NELL2: variants seen among roughly 807,000 people sequenced by gnomAD.
NELL2 encodes the protein protein kinase C-binding protein NELL2.
In NELL2, 41 loss-of-function variants were observed where a neutral mutation model predicts 109.6. The observed-to-expected ratio is 0.37, with a 90% CI of 0.29 to 0.49. The LOEUF (loss-of-function observed/expected upper bound fraction) is 0.49, where lower values mean the gene tolerates loss of function less well. Among genes scored for constraint, NELL2 ranks in the 20% least tolerant of loss-of-function variants. The pLI is 0.98. For synonymous variants in NELL2, 355 were observed against 344.7 expected, an observed-to-expected ratio of 1.03 and a Z score of -0.33; for missense variants, 900 against 1,008.3, an observed-to-expected ratio of 0.89 and a Z score of 1.45.
intron 2 of NELL2, among the ~76,000 whole-genome samples, chr12:44,825,791 A>G (rs1223058647): frequency 6.7e-6 from 1 of 148,520 alleles, no homozygotes; most frequent in Non-Finnish European, 1.5e-5. Context: ...CATGCCTGTA[A>G]TCCCAGCACT....
chr12:44,801,841 T>C (rs1270352758), intron 3 of NELL2, among the ~76,000 whole-genome samples: 1 of 152,162 alleles, frequency 6.6e-6, no homozygotes, highest in Non-Finnish European at 1.5e-5. Flanking sequence ...TTCAGTCATT[T>C]AGTTGGCAAA....
intron 12 of NELL2, among the ~76,000 whole-genome samples, chr12:44,692,565 A>G (rs892841228): frequency 6.6e-6 from 1 of 152,164 alleles, no homozygotes; most frequent in Non-Finnish European, 1.5e-5. Context: ...GATTTCTCTC[A>G]AGAATCTGGG....
chr12:44,640,888 T>C (rs1053405073), intron 13 of NELL2, among the ~76,000 whole-genome samples: 3 of 152,190 alleles, frequency 2.0e-5, no homozygotes, highest in Non-Finnish European at 4.4e-5. Flanking sequence ...ACTGAAGATG[T>C]TAAAACTTTA....
intron 11 of NELL2, among the ~76,000 whole-genome samples, chr12:44,711,049 G>A (rs1423112059): frequency 6.6e-6 from 1 of 152,076 alleles, no homozygotes; most frequent in African/African-American, 2.4e-5. Context: ...TAGAGATCCA[G>A]AGCTTGAGAC....
chr12:44,550,096 T>C (rs1213302587), intron 15 of NELL2, among the ~76,000 whole-genome samples: 3 of 151,958 alleles, frequency 2.0e-5, no homozygotes, highest in Non-Finnish European at 2.9e-5. Context: ...CACACATACA[T>C]GGTCAACTAA....
rs1312522811 is a variant in NELL2 at position 44,568,508 on chromosome 12, CA to C, written c.1664-35788del. 1.1e-4 allele frequency among the ~76,000 whole-genome samples: 17 copies of C among 152,108 alleles called. No individual in the cohort carries two copies. In the East Asian group the frequency reaches 2.3e-3, roughly 21 times the overall value. On this transcript the variant is annotated intron_variant, in intron 15 of 19. Coordinates refer to ENST00000429094, the MANE Select transcript of NELL2 (RefSeq NM_001145108.2). Reference sequence around the variant, plus strand: ...GATGGTATTACATTCTATATTTTTACAGTTTATCATATCATCACTATAATGT... The same window carrying C: ...GATGGTATTACATTCTATATTTTTACGTTTATCATATCATCACTATAATGT...
In NELL2 at chr12:44,648,733, T is replaced by TATATA. The variant is rs1566084908; in HGVS notation, c.1444+16750_1444+16751insTATAT. Among the ~76,000 whole-genome samples the TATATA allele has an allele frequency of 1.2e-3, 26 of 22,388 alleles. No individual in the cohort carries two copies. In the East Asian group the frequency reaches 0.019, roughly 17 times the overall value. The allele number at this position is 22,388 out of a possible 152,430, so 14.7% of individuals were successfully genotyped here. A position where few individuals can be genotyped will look rare whatever the true frequency, so the allele number is the denominator to read the frequency against. On this transcript the variant is annotated intron_variant, in intron 13 of 19. Coordinates refer to ENST00000429094, the MANE Select transcript of NELL2 (RefSeq NM_001145108.2). ...ATCATATATATATATATATATATAT[T>TATATA]TTTTTTTTTTTTTTTTTTTTGAGAC...
chr12:44,566,914 C>T (rs1288856264), intron 15 of NELL2, among the ~76,000 whole-genome samples: 1 of 151,906 alleles, frequency 6.6e-6, no homozygotes, highest in Non-Finnish European at 1.5e-5. Flanking sequence ...CGGGTTCAAG[C>T]GATTCTCCTG....
chr12:44,719,375 T>C (rs1253494644), intron 9 of NELL2, among the ~76,000 whole-genome samples: 1 of 152,168 alleles, frequency 6.6e-6, no homozygotes, highest in Non-Finnish European at 1.5e-5. Context: ...TAGCAAACCC[T>C]TGTAGAAAGA....
At chr12:44,522,248 C>G in intron 17 of NELL2, 72 bp from the exon 18 acceptor site, 1 of 1,267,682 alleles carries the variant, frequency 7.9e-7, no homozygotes, top group Non-Finnish European at 1.1e-6. Context: ...CACACACGCA[C>G]ACACATTTCA....
chr12:44,882,424 T>C (rs1007272132), intron 1 of NELL2, among the ~76,000 whole-genome samples: 3 of 148,006 alleles, frequency 2.0e-5, no homozygotes, highest in Non-Finnish European at 4.5e-5. Context: ...ATGTTGAAAG[T>C]ATACATACAT....
chr12:44,916,110 AG>A (rs1947942066), upstream of NELL2, among the ~76,000 whole-genome samples: 1 of 152,244 alleles, frequency 6.6e-6, no homozygotes, highest in Non-Finnish European at 1.5e-5. Flanking sequence ...AGTATCAAAA[AG>A]CCTACATAAT....
intron 2 of NELL2, among the ~76,000 whole-genome samples, chr12:44,838,089 T>TA (rs1175950776): frequency 6.6e-6 from 1 of 152,150 alleles, no homozygotes; most frequent in Non-Finnish European, 1.5e-5. Context: ...CCACAATCCA[T>TA]AGAGTTTACC....
At chr12:44,841,865 C>G (rs1162231107) in intron 2 of NELL2, among the ~76,000 whole-genome samples, 1 of 151,966 alleles carries the variant, frequency 6.6e-6, no homozygotes, top group Non-Finnish European at 1.5e-5. Flanking sequence ...TGGAGTTGCT[C>G]TAGCTCCTCT....
At chr12:44,782,758 A>G (rs1233499841) in intron 3 of NELL2, among the ~76,000 whole-genome samples, 2 of 152,046 alleles carry the variant, frequency 1.3e-5, no homozygotes, top group Non-Finnish European at 2.9e-5. Flanking sequence ...GCAAAAACTG[A>G]TAGAATTGAA....
intron 12 of NELL2, among the ~76,000 whole-genome samples, chr12:44,666,694 G>A (rs1367953291): frequency 1.3e-5 from 2 of 152,068 alleles, no homozygotes; most frequent in East Asian, 3.9e-4. Flanking sequence ...TTTTATAGAG[G>A]GACAAAACTG....
At chr12:44,801,727 C>G (rs906974063) in intron 3 of NELL2, among the ~76,000 whole-genome samples, 1 of 152,126 alleles carries the variant, frequency 6.6e-6, no homozygotes, top group African/African-American at 2.4e-5. Context: ...AGGGTAGGCG[C>G]TGAAAGTGTT....
chr12:44,524,741 C>T (rs1484453033), intron 16 of NELL2, among the ~76,000 whole-genome samples: 1 of 151,636 alleles, frequency 6.6e-6, no homozygotes, highest in Non-Finnish European at 1.5e-5. Context: ...GGATCAATAG[C>T]CGAAAAAGTG....
intron 9 of NELL2, among the ~76,000 whole-genome samples, chr12:44,755,167 T>A (rs1362039325): frequency 3.9e-5 from 6 of 152,116 alleles, no homozygotes; most frequent in Non-Finnish European, 1.5e-5. Flanking sequence ...ATCCTGTTAT[T>A]CCAGCAAGAA....
Sources: gnomAD v4.1 joint callset for allele counts (sites outside exome capture counted in the v4.1 genomes callset) on GRCh38, gnomAD v4.1.1 for gene constraint, MANE v1.5 for transcripts, NCBI Gene and HGNC (gene_info 2026-07-23, HGNC 2026-07-21) for gene names.